CCDC85A: variants seen among roughly 807,000 people sequenced by gnomAD.
CCDC85A encodes coiled-coil domain-containing protein 85A.
CCDC85A carries 38 observed loss-of-function variants against 50.2 expected under a neutral mutation model. That is an observed-to-expected ratio of 0.76 (90% confidence interval 0.58 to 0.99). CCDC85A has a LOEUF of 0.99. Among genes scored for constraint, CCDC85A ranks in the 50% least tolerant of loss-of-function variants. The probability of loss-of-function intolerance (pLI) is 0.00; values close to 1 mark genes in which losing one functional copy is unlikely to be tolerated. For missense variants in CCDC85A, 820 were observed against 742.0 expected, an observed-to-expected ratio of 1.11 and a Z score of -1.22; for synonymous variants, 366 against 301.4, an observed-to-expected ratio of 1.21 and a Z score of -2.22.
intron 4 of CCDC85A, among the ~76,000 whole-genome samples, chr2:56,374,029 A>G (rs1676211898): frequency 6.6e-6 from 1 of 152,212 alleles, no homozygotes; most frequent in Non-Finnish European, 1.5e-5. Flanking sequence ...ATTAGGCATT[A>G]TTGTTTCTGA....
At chr2:56,303,059 C>T (rs1672279991) in intron 2 of CCDC85A, among the ~76,000 whole-genome samples, 1 of 152,172 alleles carries the variant, frequency 6.6e-6, no homozygotes. Context: ...TCTCTTTATA[C>T]ACTGTGGCTT....
Position 56,248,754 on chromosome 2 carries a change from A to C in CCDC85A, c.1240+55314A>C, listed in dbSNP as rs533776482. Among the ~76,000 whole-genome samples the C allele has an allele frequency of 5.1e-4, 77 of 152,284 alleles. 1 individual carries two copies. The Middle Eastern group carries it at 0.017, about 34-fold the overall frequency. On this transcript the variant is annotated intron_variant, in intron 2 of 5. Coordinates refer to ENST00000407595, the MANE Select transcript of CCDC85A (RefSeq NM_001080433.2). ...CAGGGCTGAGCTGAGTGCCACCTAC[A>C]TGATTTCAGTGTCAGGACACTGGTC... is the stretch of plus-strand genomic sequence containing the variant.
At chr2:56,380,784 T>A (rs1348804396) in intron 5 of CCDC85A, among the ~76,000 whole-genome samples, 1 of 152,144 alleles carries the variant, frequency 6.6e-6, no homozygotes, top group Non-Finnish European at 1.5e-5. Context: ...TAATATAAAT[T>A]GTGAGGCTTT....
intron 2 of CCDC85A, among the ~76,000 whole-genome samples, chr2:56,195,552 A>G (rs955445056): frequency 6.6e-6 from 1 of 152,254 alleles, no homozygotes; most frequent in Non-Finnish European, 1.5e-5. Flanking sequence ...AAGTGGCACA[A>G]TGAGATGTTT....
intron 2 of CCDC85A, among the ~76,000 whole-genome samples, chr2:56,283,006 G>A (rs920183634): frequency 2.0e-5 from 3 of 151,816 alleles, no homozygotes; most frequent in South Asian, 2.1e-4. Context: ...TATTGACCTT[G>A]TATCCTACGA....
In CCDC85A at chr2:56,319,492, G is replaced by C. The variant is rs60191316; in HGVS notation, c.1241-23387G>C. Among the ~76,000 whole-genome samples the C allele has an allele frequency of 4.3e-3, 661 of 152,064 alleles. 3 individuals carry two copies. The highest frequency in any genetic ancestry group is 0.015 in the African/African-American group (629 of 41,500). On this transcript the variant is annotated intron_variant, in intron 2 of 5. Coordinates refer to ENST00000407595, the MANE Select transcript of CCDC85A (RefSeq NM_001080433.2). Reference sequence around the variant, plus strand: ...TTTCAAAAAGAACTCACTAACTCCTGGTAAATGCTGTTTTGCAGTAAATAA... The same window carrying C: ...TTTCAAAAAGAACTCACTAACTCCTCGTAAATGCTGTTTTGCAGTAAATAA...
chr2:56,275,821 C>T (rs1415277967), intron 2 of CCDC85A, among the ~76,000 whole-genome samples: 1 of 152,196 alleles, frequency 6.6e-6, no homozygotes, highest in African/African-American at 2.4e-5. Flanking sequence ...TACCCATAAG[C>T]AAAAGCCAAA....
intron 2 of CCDC85A, among the ~76,000 whole-genome samples, chr2:56,196,034 T>C (rs1676507075): frequency 6.6e-6 from 1 of 152,198 alleles, no homozygotes; most frequent in Non-Finnish European, 1.5e-5. Context: ...TTATAAATCT[T>C]CTTGTGCTTA....
At chr2:56,244,557 C>T (rs1309225563) in intron 2 of CCDC85A, among the ~76,000 whole-genome samples, 2 of 151,636 alleles carry the variant, frequency 1.3e-5, no homozygotes, top group Non-Finnish European at 2.9e-5. Context: ...GGATCCTCTC[C>T]CCTACTGTGG....
At chr2:56,268,603 A>T (rs1284760886) in intron 2 of CCDC85A, among the ~76,000 whole-genome samples, 5 of 151,228 alleles carry the variant, frequency 3.3e-5, no homozygotes, top group African/African-American at 1.2e-4. Flanking sequence ...TCAAAAAAAA[A>T]AAAAAAGAAA....
At chr2:56,202,221 A>G (rs1469496295) in intron 2 of CCDC85A, among the ~76,000 whole-genome samples, 1 of 152,228 alleles carries the variant, frequency 6.6e-6, no homozygotes, top group African/African-American at 2.4e-5. Flanking sequence ...CTGGTGATCT[A>G]TTTATTAGGT....
At position 56,375,922 on chromosome 2, in the gene CCDC85A, T is replaced by G. The variant is rs374405602; in HGVS notation, c.1559T>G (p.Val520Gly). The G allele has an allele frequency of 6.8e-6, 11 of 1,613,530 alleles. No homozygotes were observed. The highest frequency in any genetic ancestry group is 7.6e-6 in the Non-Finnish European group (9 of 1,179,740). Reference protein sequence around the residue: ...ATPSQQPEPVVHSLKVVWRKL... With the variant: ...ATPSQQPEPVGHSLKVVWRKL... ...CCTTCCCAGCAGCCTGAACCTGTGGTACATTCTCTTAAGGTAACCAATCGT... is the reference window on the plus strand; with the variant it reads ...CCTTCCCAGCAGCCTGAACCTGTGGGACATTCTCTTAAGGTAACCAATCGT... Residue 520 changes from valine (V) to glycine (G), a missense_variant, in exon 5 of 6, where the codon GTA (valine) becomes GGA (glycine). Val to Gly is a moderately radical substitution (Grantham distance 109). Coordinates refer to ENST00000407595, the MANE Select transcript of CCDC85A (RefSeq NM_001080433.2).
chr2:56,355,992 T>C (rs953715766), intron 3 of CCDC85A, among the ~76,000 whole-genome samples: 4 of 152,360 alleles, frequency 2.6e-5, no homozygotes, highest in Admixed American at 2.6e-4. Context: ...ATCAATTGTT[T>C]GTGACAACCA....
chr2:56,354,151 G>A (rs567596280), intron 3 of CCDC85A, among the ~76,000 whole-genome samples: 69 of 152,148 alleles, frequency 4.5e-4, no homozygotes, highest in Non-Finnish European at 8.2e-4. Context: ...TAATTATGAC[G>A]AAAGAGAATG....
At chr2:56,312,343 A>C (rs938901506) in intron 2 of CCDC85A, among the ~76,000 whole-genome samples, 6 of 152,098 alleles carry the variant, frequency 3.9e-5, no homozygotes, top group Non-Finnish European at 7.4e-5. Flanking sequence ...CAGTGCTAAA[A>C]ATGCAAGAAA....
At chr2:56,294,090 T>C (rs1286629235) in intron 2 of CCDC85A, among the ~76,000 whole-genome samples, 1 of 151,888 alleles carries the variant, frequency 6.6e-6, no homozygotes, top group Non-Finnish European at 1.5e-5. Context: ...GTAAAGAAAA[T>C]GGAATATTGT....
chr2:56,349,745 C>T (rs1201529566), intron 3 of CCDC85A, among the ~76,000 whole-genome samples: 1 of 152,092 alleles, frequency 6.6e-6, no homozygotes, highest in Admixed American at 6.5e-5. Context: ...CTATTTGGGA[C>T]TGTGTTATCA....
rs533200453 is a variant in CCDC85A at position 56,384,251 on chromosome 2, C to CT, written c.1573-4dup. On this transcript the variant is annotated splice_polypyrimidine_tract_variant and intron_variant, in intron 5 of 5. Transcript: ENST00000407595. ...AGGAAAAGTAAGATACTCACTCCTT[C>CT]TTTTTTTTTTTAAGGTTGTGTGGAG... 66,990 of 970,704 alleles carry CT rather than the reference C, an allele frequency of 0.069. No homozygotes were observed. The highest frequency in any genetic ancestry group is 0.076 in the Non-Finnish European group (52,802 of 691,534). The allele number at this position is 970,704 out of a possible 1,614,324, so 60.1% of individuals were successfully genotyped here.
intron 2 of CCDC85A, among the ~76,000 whole-genome samples, chr2:56,201,304 G>A (rs1676738891): frequency 6.6e-6 from 1 of 152,078 alleles, no homozygotes; most frequent in Non-Finnish European, 1.5e-5. Context: ...TTTAGCACCA[G>A]TTTTGCCTGC....
Sources: gnomAD v4.1 joint callset for allele counts (sites outside exome capture counted in the v4.1 genomes callset) on GRCh38, gnomAD v4.1.1 for gene constraint, MANE v1.5 for transcripts, NCBI Gene and HGNC (gene_info 2026-07-23, HGNC 2026-07-21) for gene names.